WIPF2: variants seen among roughly 807,000 people sequenced by gnomAD.
WIPF2 encodes the protein WAS/WASL interacting protein family member 2, also known as WAS/WASL-interacting protein family member 2.
WIPF2 carries 23 observed loss-of-function variants against 38.8 expected under a neutral mutation model. The ratio of observed to expected loss-of-function variants is 0.59; its 90% CI spans 0.43 to 0.84. The LOEUF is 0.84. WIPF2 is among the 40% of genes least tolerant of loss of function. The pLI, the probability that WIPF2 is intolerant of heterozygous loss-of-function variation, is 0.00. For missense variants in WIPF2, 574 were observed against 580.5 expected, an observed-to-expected ratio of 0.99 and a Z score of 0.11; for synonymous variants, 210 against 223.2, an observed-to-expected ratio of 0.94 and a Z score of 0.53.
At chr17:40,268,853 C>A (rs987116523) in intron 5 of WIPF2, among the ~76,000 whole-genome samples, 6 of 152,132 alleles carry the variant, frequency 3.9e-5, no homozygotes, top group Non-Finnish European at 7.4e-5. Flanking sequence ...TCTTTTCTCA[C>A]CGATTCTCTT....
At chr17:40,233,146 G>A (rs2030820693) in intron 1 of WIPF2, among the ~76,000 whole-genome samples, 1 of 152,144 alleles carries the variant, frequency 6.6e-6, no homozygotes, top group Non-Finnish European at 1.5e-5. Flanking sequence ...TGATTCTAGA[G>A]TTGGGCTTAA....
intron 5 of WIPF2, among the ~76,000 whole-genome samples, chr17:40,272,161 A>G (rs2032269368): frequency 6.6e-6 from 1 of 152,018 alleles, no homozygotes; most frequent in Non-Finnish European, 1.5e-5. Context: ...CTGGGATTAC[A>G]GGCATGCACC....
Position 40,283,867 on chromosome 17 carries a change from A to G in WIPF2, c.*5642A>G, listed in dbSNP as rs1353465620. ...CTCCTTACTGTGGTCAGCTGACATC[A>G]TAACCACTAAGGCTTAATGAGCTTA... On this transcript the variant is annotated 3_prime_UTR_variant, in exon 8 of 8. Transcript: ENST00000323571. 1.3e-5 allele frequency: 2 copies of G among 152,240 alleles called. No individual in the cohort carries two copies. Among genetic ancestry groups the G allele is most frequent in the Non-Finnish European group, 2.9e-5 (2 of 68,046 alleles). 9.4% of individuals were successfully genotyped at this position (152,240 alleles called of 1,614,324 possible). A position where few individuals can be genotyped will look rare whatever the true frequency, so the allele number is the denominator to read the frequency against.
Position 40,281,294 on chromosome 17 carries a change from G to A in WIPF2, c.*3069G>A, listed in dbSNP as rs577312211. 6 of 152,076 alleles carry A rather than the reference G, an allele frequency of 3.9e-5. No individual in the cohort carries two copies. The highest frequency in any genetic ancestry group is 1.5e-5 in the Non-Finnish European group (1 of 67,930). 9.4% of individuals were successfully genotyped at this position (152,076 alleles called of 1,614,324 possible). A position where few individuals can be genotyped will look rare whatever the true frequency, so the allele number is the denominator to read the frequency against. On this transcript the variant is annotated 3_prime_UTR_variant, in exon 8 of 8. Transcript: ENST00000323571. ...GATGTTTTTCCCTAATGGGAAAAACGTTATAGTTGTTTCTTACTGCCCTGT... is the reference window on the plus strand; with the variant it reads ...GATGTTTTTCCCTAATGGGAAAAACATTATAGTTGTTTCTTACTGCCCTGT...
At chr17:40,277,274 C>T in intron 7 of WIPF2, 90 bp downstream of exon 7, 1 of 1,102,136 alleles carries the variant, frequency 9.1e-7, no homozygotes, top group Non-Finnish European at 1.3e-6. Context: ...TCTCGCTGGG[C>T]ACAGTGGCTC....
At chr17:40,268,410 T>A (rs1244649431) in intron 5 of WIPF2, among the ~76,000 whole-genome samples, 2 of 152,180 alleles carry the variant, frequency 1.3e-5, no homozygotes, top group African/African-American at 4.8e-5. Context: ...CAAAAGACTC[T>A]TTGTCTGAGC....
At chr17:40,225,227 A>G (rs1245694738) in intron 1 of WIPF2, among the ~76,000 whole-genome samples, 3 of 150,436 alleles carry the variant, frequency 2.0e-5, no homozygotes, top group Non-Finnish European at 4.4e-5. Flanking sequence ...AAGAGAAGAC[A>G]GTATTTCCAA....
intron 1 of WIPF2, among the ~76,000 whole-genome samples, chr17:40,231,935 C>A (rs200561961): frequency 9.6e-6 from 1 of 104,270 alleles, no homozygotes; most frequent in Non-Finnish European, 2.1e-5. Flanking sequence ...TTTTTTCTTT[C>A]TTTTTTTTTT....
At chr17:40,249,888 G>C (rs187357942) in intron 1 of WIPF2, among the ~76,000 whole-genome samples, 1 of 149,470 alleles carries the variant, frequency 6.7e-6, no homozygotes, top group African/African-American at 2.5e-5. Flanking sequence ...GCTGGAGTGC[G>C]GTGACGTGAC....
chr17:40,260,627 G>A lies in WIPF2; in HGVS notation c.156G>A (p.Lys52=). The change falls in exon 3 of 8, where the codon AAG becomes AAA. Residue 52 remains lysine (K), a synonymous_variant. Transcript: ENST00000323571. ...TTTGCAAAGGGACCAAGCTGAAGAAGGTGACCAACATTAATGATCGGAGTG... is the reference window on the plus strand; with the variant it reads ...TTTGCAAAGGGACCAAGCTGAAGAAAGTGACCAACATTAATGATCGGAGTG... ...QDICKGTKLK[K]VTNINDRSAP... is the part of the protein sequence containing the mutation. 6.2e-7 allele frequency: 1 copy of A among 1,613,890 alleles called. No homozygotes were observed. Among genetic ancestry groups the A allele is most frequent in the Non-Finnish European group, 8.5e-7 (1 of 1,179,976 alleles).
intron 1 of WIPF2, among the ~76,000 whole-genome samples, chr17:40,227,145 A>G (rs1046159827): frequency 2.0e-5 from 3 of 152,062 alleles, no homozygotes; most frequent in African/African-American, 7.2e-5. Context: ...AGGCTCAAGC[A>G]ATCTCCTGCC....
At chr17:40,224,167 G>A (rs532993143) in intron 1 of WIPF2, among the ~76,000 whole-genome samples, 1 of 150,576 alleles carries the variant, frequency 6.6e-6, no homozygotes, top group Non-Finnish European at 1.5e-5. Context: ...GATAACATAT[G>A]GAGGCTCGGT....
chr17:40,255,027 C>A (rs1945518293), intron 1 of WIPF2, among the ~76,000 whole-genome samples: 1 of 151,954 alleles, frequency 6.6e-6, no homozygotes, highest in Admixed American at 6.6e-5. Context: ...AGCCACTGTG[C>A]CCGGCCTGAT....
At chr17:40,221,685 C>A (rs200462243) in intron 1 of WIPF2, among the ~76,000 whole-genome samples, 13,504 of 13,596 alleles carry the variant, frequency 0.99, 6,706 homozygotes, top group Middle Eastern at 1. Flanking sequence ...GATTCAAGCG[C>A]TTCTCCTGCC....
chr17:40,249,155 C>T (rs964333072), intron 1 of WIPF2, among the ~76,000 whole-genome samples: 3 of 152,180 alleles, frequency 2.0e-5, no homozygotes, highest in East Asian at 1.9e-4. Context: ...TCTTGATTTT[C>T]GTGTCTTTTT....
chr17:40,247,207 GTTTT>G (rs775838379), intron 1 of WIPF2, among the ~76,000 whole-genome samples: 2 of 116,962 alleles, frequency 1.7e-5, no homozygotes, highest in Non-Finnish European at 3.6e-5. Context: ...TTATTTCAGG[GTTTT>G]TTTTTTTTTT....
intron 1 of WIPF2, among the ~76,000 whole-genome samples, chr17:40,254,208 G>A (rs1201410377): frequency 2.6e-5 from 4 of 152,052 alleles, no homozygotes; most frequent in Admixed American, 6.6e-5. Flanking sequence ...GTAGAGATGG[G>A]ATTTCACCAT....
intron 1 of WIPF2, among the ~76,000 whole-genome samples, chr17:40,226,267 G>A (rs192794752): frequency 4.0e-5 from 6 of 149,794 alleles, no homozygotes; most frequent in African/African-American, 7.4e-5. Flanking sequence ...GCAGTGGTGC[G>A]ATCCCAGCTC....
rs999814260 is a variant in WIPF2, at chr17:40,221,505, A to C, written c.-70+2013A>C. ...TCCCAGCTACTTGGGAGGCTGAGGC[A>C]GGAGGATTGCTTGAGTCTAAGAGTT... On this transcript the variant is annotated intron_variant, in intron 1 of 7. Transcript: ENST00000323571. Among the ~76,000 whole-genome samples the C allele has an allele frequency of 1.2e-4, 18 of 152,000 alleles. No individual in the cohort carries two copies. In the East Asian group the frequency reaches 3.5e-3, roughly 30 times the overall value.
Sources: allele counts gnomAD v4.1 joint callset (sites outside exome capture counted in the v4.1 genomes callset), GRCh38; gene constraint gnomAD v4.1.1; transcripts MANE v1.5; gene names NCBI Gene and HGNC (gene_info 2026-07-23, HGNC 2026-07-21).